MAP4K4: variants seen among roughly 807,000 people sequenced by gnomAD.
The protein encoded by MAP4K4 is HPK/GCK-like kinase HGK.
A neutral mutation model predicts 189.6 loss-of-function variants in MAP4K4; 38 were observed. The ratio of observed to expected loss-of-function variants is 0.20; its 90% confidence interval spans 0.15 to 0.26. The LOEUF (loss-of-function observed/expected upper bound fraction) is 0.26. Among genes scored for constraint, MAP4K4 ranks in the 10% least tolerant of loss-of-function variants. The pLI, the probability that MAP4K4 is intolerant of heterozygous loss-of-function variation, is 1.00. For missense variants in MAP4K4, 1,054 were observed against 1,726.9 expected, an observed-to-expected ratio of 0.61 and a Z score of 6.91; for synonymous variants, 610 against 624.3, an observed-to-expected ratio of 0.98 and a Z score of 0.34.
chr2:101,844,552 A>G (rs2097029554), intron 12 of MAP4K4, among the ~76,000 whole-genome samples: 1 of 152,202 alleles, frequency 6.6e-6, no homozygotes, highest in South Asian at 2.1e-4. Context: ...CCCCACAGTT[A>G]CTCATCAACA....
chr2:101,893,311 G>A (rs1301565373), exon 33 of MAP4K4: 1 of 455,548 alleles, frequency 2.2e-6, no homozygotes, highest in South Asian at 1.6e-5. Flanking sequence ...GGAAATGGAT[G>A]TTTCATTTGT....
intron 3 of MAP4K4, among the ~76,000 whole-genome samples, chr2:101,796,006 G>A (rs1397514521): frequency 6.6e-6 from 1 of 152,180 alleles, no homozygotes; most frequent in Non-Finnish European, 1.5e-5. Context: ...TTAGGTTAAT[G>A]CACAGAGAAC....
chr2:101,761,783 C>T (rs2076562772), intron 2 of MAP4K4, among the ~76,000 whole-genome samples: 1 of 152,084 alleles, frequency 6.6e-6, no homozygotes. Context: ...TCTCGAACTC[C>T]TGACTGCAAG....
exon 33 of MAP4K4, chr2:101,891,439 T>A (rs1280093574): frequency 9.3e-6 from 5 of 537,548 alleles, no homozygotes; most frequent in Non-Finnish European, 1.7e-5. Context: ...ATTCTTTTTT[T>A]TTTTCTTACT....
At position 101,794,679 on chromosome 2, in the gene MAP4K4, A is replaced by G. The variant is rs1349517623; in HGVS notation, c.180+3903A>G. ...CCTAATGTTCAGCCTACATTCATAT[A>G]TCTTTGCTTGTGCCAAGAATGTTTT... On this transcript the variant is annotated intron_variant, in intron 3 of 32. Coordinates refer to ENST00000324219, the Ensembl canonical transcript of MAP4K4. 2.6e-5 allele frequency among the ~76,000 whole-genome samples: 4 copies of G among 152,198 alleles called. 1 individual carries two copies. The South Asian group carries it at 6.2e-4, about 24-fold the overall frequency.
intron 2 of MAP4K4, among the ~76,000 whole-genome samples, chr2:101,717,906 A>G (rs1559074366): frequency 6.6e-6 from 1 of 152,086 alleles, no homozygotes; most frequent in Non-Finnish European, 1.5e-5. Flanking sequence ...TTAAGCATAT[A>G]GTTGAATTAG....
intron 2 of MAP4K4, among the ~76,000 whole-genome samples, chr2:101,760,528 A>ATG (rs1445696926): frequency 1.2e-4 from 13 of 108,520 alleles, no homozygotes; most frequent in African/African-American, 2.8e-4. Flanking sequence ...ATATATGTAT[A>ATG]TATGTGTGTG....
At chr2:101,709,558 A>G (rs984689082) in intron 2 of MAP4K4, among the ~76,000 whole-genome samples, 7 of 152,182 alleles carry the variant, frequency 4.6e-5, no homozygotes, top group Non-Finnish European at 1.0e-4. Flanking sequence ...ATGAAGACAA[A>G]CTATTCACTA....
intron 3 of MAP4K4, among the ~76,000 whole-genome samples, chr2:101,805,612 G>C (rs2094852487): frequency 1.3e-5 from 2 of 152,236 alleles, no homozygotes; most frequent in South Asian, 4.1e-4. Context: ...AAGAGATGCT[G>C]AGGTGCAGGT....
intron 15 of MAP4K4, 113 bp downstream of exon 15, chr2:101,859,977 G>C: frequency 9.1e-7 from 1 of 1,097,728 alleles, no homozygotes; most frequent in Non-Finnish European, 1.3e-6. Flanking sequence ...TAATTATCTG[G>C]TTTCTTCATT....
intron 3 of MAP4K4, among the ~76,000 whole-genome samples, chr2:101,822,703 G>A (rs987209345): frequency 6.6e-6 from 1 of 152,156 alleles, no homozygotes; most frequent in Admixed American, 6.5e-5. Context: ...AGTTGTGTGT[G>A]TGAGTATGTG....
At chr2:101,747,745 TAACCAGCA>T (rs1157018862) in intron 2 of MAP4K4, among the ~76,000 whole-genome samples, 7 of 152,290 alleles carry the variant, frequency 4.6e-5, no homozygotes, top group African/African-American at 1.7e-4. Flanking sequence ...AGGAAAAAAT[TAACCAGCA>T]AACAAACAAA....
At chr2:101,784,288 A>ATGTGTGTG (rs111233758) in intron 2 of MAP4K4, among the ~76,000 whole-genome samples, 1 of 133,196 alleles carries the variant, frequency 7.5e-6, no homozygotes, top group African/African-American at 2.9e-5. Flanking sequence ...GTGTGTGTGT[A>ATGTGTGTG]TGTGTGTGTG....
chr2:101,861,966 G>A (rs894817341), intron 16 of MAP4K4: 2 of 151,354 alleles, frequency 1.3e-5, no homozygotes, highest in African/African-American at 4.9e-5. Context: ...GGGGCACAGT[G>A]GCACGTGCCT....
At chr2:101,777,827 G>C (rs2150479733) in intron 2 of MAP4K4, among the ~76,000 whole-genome samples, 1 of 152,220 alleles carries the variant, frequency 6.6e-6, no homozygotes, top group East Asian at 1.9e-4. Flanking sequence ...TCAGAATGTT[G>C]GCCTCAGAAT....
intron 3 of MAP4K4, among the ~76,000 whole-genome samples, chr2:101,802,757 A>G (rs998638117): frequency 1.3e-5 from 2 of 151,968 alleles, no homozygotes; most frequent in Non-Finnish European, 2.9e-5. Context: ...TCCCAAGAAT[A>G]TAACCTCCAT....
chr2:101,851,453 T>C (rs568349835), intron 12 of MAP4K4, among the ~76,000 whole-genome samples: 2 of 152,280 alleles, frequency 1.3e-5, no homozygotes, highest in African/African-American at 4.8e-5. Context: ...CAGACTGATG[T>C]TATTTTGTTG....
At chr2:101,812,997 C>T (rs547589696) in intron 3 of MAP4K4, among the ~76,000 whole-genome samples, 24 of 152,050 alleles carry the variant, frequency 1.6e-4, no homozygotes, top group Non-Finnish European at 2.9e-4. Flanking sequence ...GGCACGGTGG[C>T]GGGTGCCTGT....
At chr2:101,814,836 G>T (rs1359199364) in intron 3 of MAP4K4, among the ~76,000 whole-genome samples, 1 of 152,166 alleles carries the variant, frequency 6.6e-6, no homozygotes, top group Non-Finnish European at 1.5e-5. Context: ...AGTTGGGGTA[G>T]CTTAAGAAGC....
Sources: allele counts gnomAD v4.1 joint callset (sites outside exome capture counted in the v4.1 genomes callset), GRCh38; gene constraint gnomAD v4.1.1; transcripts MANE v1.5; gene names NCBI Gene and HGNC (gene_info 2026-07-23, HGNC 2026-07-21).